The following KCNG1 variants were observed in gnomAD, a reference collection of about 807,000 sequenced individuals.
The protein encoded by KCNG1 is potassium voltage-gated channel modifier subfamily G member 1.
In KCNG1, 17 loss-of-function variants were observed where a neutral mutation model predicts 32.4. The ratio of observed to expected loss-of-function variants is 0.52; its 90% CI spans 0.36 to 0.79. The LOEUF (loss-of-function observed/expected upper bound fraction) is 0.79, where lower values mean the gene tolerates loss of function less well. Among genes scored for constraint, KCNG1 ranks in the 30% least tolerant of loss-of-function variants. KCNG1 has a pLI of 0.00. For missense variants in KCNG1, 441 were observed against 735.2 expected (o/e 0.60, Z 4.63); for synonymous variants, 358 against 339.9 (o/e 1.05, Z -0.59).
intron 1 of KCNG1, among the ~76,000 whole-genome samples, chr20:51,018,766 C>T (rs1988368799): frequency 6.6e-6 from 1 of 152,286 alleles, no homozygotes; most frequent in African/African-American, 2.4e-5. Context: ...AAACTTATGT[C>T]TGGCAATAAG....
In KCNG1 at chr20:51,005,626, T is replaced by C. The variant is rs1354578229; in HGVS notation, c.775-820A>G. 1 of 152,238 alleles carries C rather than the reference T, an allele frequency of 6.6e-6. No homozygotes were observed. The highest frequency in any genetic ancestry group is 1.5e-5 in the Non-Finnish European group (1 of 68,046). The allele number at this position is 152,238 out of a possible 1,614,324, so 9.4% of individuals were successfully genotyped here. ...GATTTAAGTCCTGGTGATAATTCAG[T>C]GCAAAGAAATACTCTATGGGCCACT... is the stretch of plus-strand genomic sequence containing the variant. On this transcript the variant is annotated intron_variant, in intron 2 of 2. Coordinates refer to ENST00000371571, the MANE Select transcript of KCNG1 (RefSeq NM_002237.4). The surrounding 1 kb of genome is among the most constrained non-coding windows in gnomAD (Gnocchi z 4.0).
Position 51,010,933 on chromosome 20 carries a change from AAAAAG to A in KCNG1, c.-26-574_-26-570del, listed in dbSNP as rs1412638702. On this transcript the variant is annotated intron_variant, in intron 1 of 2. Transcript: ENST00000371571. ...AAAACAAAACAAAACAAAACAAAAA[AAAAAG>A]AAGAAGAGGAAGAGACACTAGGGCT... 8.6e-5 allele frequency among the ~76,000 whole-genome samples: 13 copies of A among 151,952 alleles called. No individual in the cohort carries two copies. In the East Asian group the frequency reaches 1.2e-3, roughly 14 times the overall value.
chr20:51,007,188 A>AT (rs1367104084), intron 2 of KCNG1: 1,712 of 145,168 alleles, frequency 0.012, 31 homozygotes, highest in African/African-American at 0.033. Flanking sequence ...CCATCTCTAA[A>AT]TTTTTTTTTT....
intron 1 of KCNG1, among the ~76,000 whole-genome samples, chr20:51,018,823 C>T (rs1225810130): frequency 6.6e-6 from 1 of 152,194 alleles, no homozygotes; most frequent in African/African-American, 2.4e-5. Context: ...CAGGCCGAAC[C>T]TCTTTGACCC....
At chr20:51,006,839 C>T (rs1024730496) in intron 2 of KCNG1, 4 of 152,212 alleles carry the variant, frequency 2.6e-5, no homozygotes, top group Non-Finnish European at 5.9e-5. Flanking sequence ...GCCCCAATCA[C>T]TTCTAATCAC....
chr20:51,010,211 G>A lies in KCNG1; in HGVS notation c.128C>T (p.Ala43Val). The A allele has an allele frequency of 6.3e-7, 1 of 1,583,062 alleles. No homozygotes were observed. The highest frequency in any genetic ancestry group is 8.6e-7 in the Non-Finnish European group (1 of 1,167,696). ...CTCATCCTGCGGCCGCAGCCGCTGC[G>A]CCCGGCGGTAGAACGCGCCCTTGAT... is the stretch of plus-strand genomic sequence containing the variant. ...QAIKGAFYRR[A>V]QRLRPQDEPR... The change falls in exon 2 of 3, where the codon GCG becomes GTG. Residue 43 changes from alanine (A) to valine (V), a missense_variant. Coordinates refer to ENST00000371571, the MANE Select transcript of KCNG1 (RefSeq NM_002237.4).
chr20:51,004,694 A>C lies in KCNG1; in HGVS notation c.887T>G (p.Phe296Cys). ...GATCAGCGTCAGCGGGCTCCGCAGG[A>C]AGGCGAACTTGCTGGGCGCCTGAAT... ...RLIQAPSKFAFLRSPLTLIDL... is the reference protein window; with the variant it reads ...RLIQAPSKFACLRSPLTLIDL... Residue 296 changes from phenylalanine (F) to cysteine (C), a missense_variant, in exon 3 of 3, where the codon TTC (phenylalanine) becomes TGC (cysteine). By Grantham distance (205) the Phe-to-Cys change is radical. Transcript: ENST00000371571. This position sits in a 1 kb window ranked among gnomAD's most constrained non-coding sequence, Gnocchi z 4.3. The C allele has an allele frequency of 6.3e-7, 1 of 1,599,992 alleles. No individual in the cohort carries two copies.
At position 51,023,084 on chromosome 20, in the gene KCNG1, C is replaced by G. The variant is rs1241407037; in HGVS notation, c.-241G>C. The G allele has an allele frequency of 2.0e-5, 3 of 152,170 alleles. No individual in the cohort carries two copies. Among genetic ancestry groups the G allele is most frequent in the South Asian group, 2.1e-4 (1 of 4,836 alleles). 9.4% of individuals were successfully genotyped at this position (152,170 alleles called of 1,614,324 possible). A position where few individuals can be genotyped will look rare whatever the true frequency, so the allele number is the denominator to read the frequency against. On this transcript the variant is annotated 5_prime_UTR_variant, in exon 1 of 3. Coordinates refer to ENST00000371571, the MANE Select transcript of KCNG1 (RefSeq NM_002237.4). ...CCACGGCCGCCCCGTCTCTGCCTCC[C>G]GGTCCCCGCCGGGCTCCGAGTGCGC...
chr20:51,010,010 A>T lies in KCNG1; in HGVS notation c.329T>A (p.Val110Asp). The T allele has an allele frequency of 6.2e-7, 1 of 1,614,074 alleles. No individual in the cohort carries two copies. Among genetic ancestry groups the T allele is most frequent in the Non-Finnish European group, 8.5e-7 (1 of 1,179,974 alleles). ...DILNVCDDYD[V>D]TCNEFFFDRN... Reference sequence around the variant, plus strand: ...GTCGAAGAAGAACTCGTTGCAGGTGACGTCGTAGTCATCGCACACGTTGAG... The same window carrying T: ...GTCGAAGAAGAACTCGTTGCAGGTGTCGTCGTAGTCATCGCACACGTTGAG... The change falls in exon 2 of 3, where the codon GTC (valine) becomes GAC (aspartate). Residue 110 changes from valine (V) to aspartate (D), a missense_variant. This residue lies in a region of KCNG1 where 70 missense variants were observed against 158.4 expected (regional missense o/e 0.44). Transcript: ENST00000371571.
Position 51,003,968 on chromosome 20 carries a change from C to G in KCNG1, c.*71G>C. On this transcript the variant is annotated 3_prime_UTR_variant, in exon 3 of 3. Transcript: ENST00000371571. ...GCACTCGGAAGCGGCCTGTCCCTCTCCAGGCGTCTGCAGTGGATGGCAATG... is the reference window on the plus strand; with the variant it reads ...GCACTCGGAAGCGGCCTGTCCCTCTGCAGGCGTCTGCAGTGGATGGCAATG... 1 of 1,535,286 alleles carries G rather than the reference C, an allele frequency of 6.5e-7. No homozygotes were observed.
intron 2 of KCNG1, among the ~76,000 whole-genome samples, chr20:51,009,086 A>G (rs4809820): frequency 0.78 from 118,003 of 152,164 alleles, 46,582 homozygotes; most frequent in Middle Eastern, 0.87. Flanking sequence ...AGACACACAT[A>G]TACCTATCAA....
At chr20:51,016,630 C>G (rs1291280045) in intron 1 of KCNG1, among the ~76,000 whole-genome samples, 1 of 152,148 alleles carries the variant, frequency 6.6e-6, no homozygotes, top group Non-Finnish European at 1.5e-5. Flanking sequence ...GACTCAGTTT[C>G]TTTATCTGTA....
At position 51,010,367 on chromosome 20, in the gene KCNG1, G is replaced by C; in HGVS notation, c.-26-3C>G. 6.7e-7 allele frequency: 1 copy of C among 1,497,078 alleles called. No homozygotes were observed. Among genetic ancestry groups the C allele is most frequent in the Non-Finnish European group, 8.8e-7 (1 of 1,130,450 alleles). 92.7% of individuals were successfully genotyped at this position (1,497,078 alleles called of 1,614,324 possible). A position where few individuals can be genotyped will look rare whatever the true frequency, so the allele number is the denominator to read the frequency against. ...GGGCCTTCACATCCCTCTCGGGCCT[G>C]TGGGGAGAAGGGAGGGAAGACCCTC... On this transcript the variant is annotated splice_region_variant and splice_polypyrimidine_tract_variant and intron_variant, in intron 1 of 2. Transcript: ENST00000371571.
rs1457898846 is a variant in KCNG1 at position 51,005,117 on chromosome 20, T to C, written c.775-311A>G. 7.0e-6 allele frequency: 2 copies of C among 284,284 alleles called. No homozygotes were observed. Among genetic ancestry groups the C allele is most frequent in the African/African-American group, 4.4e-5 (2 of 45,552 alleles). The allele number at this position is 284,284 out of a possible 1,614,324, so 17.6% of individuals were successfully genotyped here. A position where few individuals can be genotyped will look rare whatever the true frequency, so the allele number is the denominator to read the frequency against. On this transcript the variant is annotated intron_variant, in intron 2 of 2. Coordinates refer to ENST00000371571, the MANE Select transcript of KCNG1 (RefSeq NM_002237.4). The surrounding 1 kb of genome is among the most constrained non-coding windows in gnomAD (Gnocchi z 4.0). ...GCATCTCGAACTCACCATGGGATCC[T>C]GGTTTCCTCTGCCCACTGGTGGTTT...
At chr20:51,019,044 T>TA (rs150649238) in intron 1 of KCNG1, among the ~76,000 whole-genome samples, 3,709 of 152,056 alleles carry the variant, frequency 0.024, 144 homozygotes, top group African/African-American at 0.086. Context: ...TGAGCAGAGT[T>TA]AAAAAAAATC....
intron 1 of KCNG1, among the ~76,000 whole-genome samples, chr20:51,019,565 GT>G (rs1988397727): frequency 6.6e-6 from 1 of 152,102 alleles, no homozygotes; most frequent in Admixed American, 6.6e-5. Flanking sequence ...CACTAAATGT[GT>G]GCAAGTATGT....
chr20:51,018,633 C>T (rs1988364090), intron 1 of KCNG1, among the ~76,000 whole-genome samples: 1 of 152,226 alleles, frequency 6.6e-6, no homozygotes, highest in African/African-American at 2.4e-5. Flanking sequence ...TGCAAACTCA[C>T]TAAGTGCCAG....
At chr20:51,019,831 G>A (rs1211379930) in intron 1 of KCNG1, among the ~76,000 whole-genome samples, 1 of 152,156 alleles carries the variant, frequency 6.6e-6, no homozygotes, top group East Asian at 1.9e-4. Context: ...ACTCAGAGGC[G>A]GGTCAGGCTG....
intron 1 of KCNG1, among the ~76,000 whole-genome samples, chr20:51,014,711 C>T (rs575209560): frequency 6.6e-6 from 1 of 152,296 alleles, no homozygotes; most frequent in South Asian, 2.1e-4. Flanking sequence ...CAAATGAGCA[C>T]ACAAGTCATT....
Sources: allele counts gnomAD v4.1 joint callset (sites outside exome capture counted in the v4.1 genomes callset), GRCh38; gene constraint gnomAD v4.1.1; regional missense constraint gnomAD v4.1.1; non-coding constraint Gnocchi (gnomAD v3.1); transcripts MANE v1.5; gene names NCBI Gene and HGNC (gene_info 2026-07-23, HGNC 2026-07-21).